The following PDZRN4 variants were observed in gnomAD, a reference collection of about 807,000 sequenced individuals.
PDZRN4 encodes the protein PDZ domain-containing RING finger protein 4.
PDZRN4 carries 70 observed loss-of-function variants against 99.0 expected under a neutral mutation model. That is an observed-to-expected ratio of 0.71 (90% CI 0.58 to 0.86). The LOEUF (loss-of-function observed/expected upper bound fraction) is 0.86. Among genes scored for constraint, PDZRN4 ranks in the 40% least tolerant of loss-of-function variants. The pLI, the probability that PDZRN4 is intolerant of heterozygous loss-of-function variation, is 0.00. For synonymous variants in PDZRN4, 551 were observed against 501.6 expected, an observed-to-expected ratio of 1.10 and a Z score of -1.32; for missense variants, 1,474 against 1,331.2, an observed-to-expected ratio of 1.11 and a Z score of -1.67.
intron 3 of PDZRN4, among the ~76,000 whole-genome samples, chr12:41,339,588 T>A (rs1263010612): frequency 6.6e-6 from 1 of 151,568 alleles, no homozygotes; most frequent in Non-Finnish European, 1.5e-5. Context: ...TGAGACCATA[T>A]CAAGTTAAAA....
chr12:41,492,422 C>A (rs1345278869), intron 3 of PDZRN4, among the ~76,000 whole-genome samples: 1 of 152,056 alleles, frequency 6.6e-6, no homozygotes, highest in Non-Finnish European at 1.5e-5. Flanking sequence ...GGATAGCATA[C>A]CTTAAGAGCA....
intron 9 of PDZRN4, among the ~76,000 whole-genome samples, chr12:41,570,051 A>G (rs1252184963): frequency 6.6e-6 from 1 of 152,176 alleles, no homozygotes; most frequent in Non-Finnish European, 1.5e-5. Context: ...TAAGGAAAGC[A>G]GGGAGAAATC....
chr12:41,558,064 T>A (rs768943064), intron 7 of PDZRN4, among the ~76,000 whole-genome samples: 1 of 152,204 alleles, frequency 6.6e-6, no homozygotes, highest in Non-Finnish European at 1.5e-5. Context: ...AGGGACCATT[T>A]TCGTGTGTCA....
intron 3 of PDZRN4, among the ~76,000 whole-genome samples, chr12:41,363,271 G>A (rs1027893504): frequency 1.3e-5 from 2 of 152,070 alleles, no homozygotes; most frequent in Non-Finnish European, 2.9e-5. Context: ...CTGAAGCAGA[G>A]GAGCTGGCTG....
Position 41,557,756 on chromosome 12 carries a change from G to T in PDZRN4, c.1365+1996G>T, listed in dbSNP as rs1042553598. Among the ~76,000 whole-genome samples the T allele has an allele frequency of 2.5e-4, 38 of 151,846 alleles. 1 individual carries two copies. The highest frequency in any genetic ancestry group is 5.9e-5 in the Non-Finnish European group (4 of 68,002). On this transcript the variant is annotated intron_variant, in intron 7 of 9. Transcript: ENST00000402685. ...GAATACAAAGTGTGAATTAATGATC[G>T]TTTGGGGTCCCACTAGTTTTCAGAA...
intron 3 of PDZRN4, among the ~76,000 whole-genome samples, chr12:41,494,789 G>A (rs1037293424): frequency 1.3e-5 from 2 of 152,182 alleles, no homozygotes; most frequent in African/African-American, 2.4e-5. Context: ...TCATGTCATC[G>A]ACTGAACTCG....
At chr12:41,377,678 A>T (rs572474825) in intron 3 of PDZRN4, among the ~76,000 whole-genome samples, 1 of 152,058 alleles carries the variant, frequency 6.6e-6, no homozygotes, top group African/African-American at 2.4e-5. Flanking sequence ...AAAAAAAATT[A>T]TAGTTTTCAG....
At chr12:41,521,409 A>T (rs1339240492) in intron 5 of PDZRN4, among the ~76,000 whole-genome samples, 1 of 152,132 alleles carries the variant, frequency 6.6e-6, no homozygotes, top group South Asian at 2.1e-4. Context: ...TTGGGAAAAA[A>T]AAGTTATACA....
At chr12:41,534,025 A>T (rs199508231) in intron 5 of PDZRN4, among the ~76,000 whole-genome samples, 1 of 152,212 alleles carries the variant, frequency 6.6e-6, no homozygotes, top group East Asian at 1.9e-4. Context: ...TTTCAAAATT[A>T]ATTAATTCTT....
chr12:41,229,063 G>A (rs1951013378), intron 3 of PDZRN4, among the ~76,000 whole-genome samples: 1 of 151,710 alleles, frequency 6.6e-6, no homozygotes, highest in African/African-American at 2.4e-5. Context: ...TCTGCATGAT[G>A]TAGTGCTTCA....
At chr12:41,288,059 T>G (rs1170754719) in intron 3 of PDZRN4, among the ~76,000 whole-genome samples, 2 of 152,212 alleles carry the variant, frequency 1.3e-5, no homozygotes, top group Non-Finnish European at 2.9e-5. Context: ...TGTATTGATG[T>G]GTATACAACA....
intron 3 of PDZRN4, among the ~76,000 whole-genome samples, chr12:41,214,248 TA>T (rs1950905740): frequency 8.7e-6 from 1 of 114,924 alleles, no homozygotes; most frequent in Non-Finnish European, 1.7e-5. Context: ...TGAGACCCTG[TA>T]TTTAAAAAAA....
At chr12:41,507,357 T>C (rs1938226388) in intron 4 of PDZRN4, among the ~76,000 whole-genome samples, 1 of 152,194 alleles carries the variant, frequency 6.6e-6, no homozygotes, top group Non-Finnish European at 1.5e-5. Context: ...ATAATCCTAC[T>C]TGAACAGTTT....
chr12:41,307,104 T>C (rs539619399), intron 3 of PDZRN4, among the ~76,000 whole-genome samples: 1 of 152,188 alleles, frequency 6.6e-6, no homozygotes, highest in Non-Finnish European at 1.5e-5. Context: ...GTTCCAAAGC[T>C]GCTTCAAAAT....
chr12:41,197,325 G>A (rs902318742), intron 3 of PDZRN4, among the ~76,000 whole-genome samples: 11 of 151,912 alleles, frequency 7.2e-5, no homozygotes, highest in Non-Finnish European at 1.2e-4. Flanking sequence ...CTAGTAACAC[G>A]TATTATTTTT....
chr12:41,525,583 A>C (rs147589145), intron 5 of PDZRN4, among the ~76,000 whole-genome samples: 251 of 152,310 alleles, frequency 1.6e-3, no homozygotes, highest in Non-Finnish European at 2.7e-3. Context: ...GAATATAGAT[A>C]TGTAAGATAG....
intron 3 of PDZRN4, among the ~76,000 whole-genome samples, chr12:41,324,631 A>G (rs1018614885): frequency 1.3e-5 from 2 of 152,092 alleles, no homozygotes; most frequent in African/African-American, 4.8e-5. Flanking sequence ...GTGTATTTCT[A>G]TAAATCCAGA....
At chr12:41,408,970 ACACATTTTC>A (rs200932892) in intron 3 of PDZRN4, among the ~76,000 whole-genome samples, 2,864 of 152,226 alleles carry the variant, frequency 0.019, 49 homozygotes, top group Middle Eastern at 0.044. Flanking sequence ...AAAAACATCT[ACACATTTTC>A]CAACCTACTC....
intron 3 of PDZRN4, among the ~76,000 whole-genome samples, chr12:41,308,553 C>G (rs1951586362): frequency 6.6e-6 from 1 of 152,132 alleles, no homozygotes; most frequent in African/African-American, 2.4e-5. Flanking sequence ...AATCCTGAGA[C>G]AATCTCAAAT....
Sources: allele counts gnomAD v4.1 joint callset (sites outside exome capture counted in the v4.1 genomes callset), GRCh38; gene constraint gnomAD v4.1.1; transcripts MANE v1.5; gene names NCBI Gene and HGNC (gene_info 2026-07-23, HGNC 2026-07-21).